The following TRIM46 variants were observed in gnomAD, a reference collection of about 807,000 sequenced individuals.
TRIM46 encodes tripartite motif-containing protein 46.
Under a neutral mutation model 69.7 loss-of-function variants are expected in TRIM46, and 17 were observed. That is an observed-to-expected ratio of 0.24 (90% CI 0.17 to 0.37). The LOEUF is 0.37. Ranked by LOEUF, TRIM46 falls within the 10% of genes least tolerant of loss-of-function variation. The pLI, the probability that TRIM46 is intolerant of heterozygous loss-of-function variation, is 1.00. For synonymous variants in TRIM46, 391 were observed against 429.0 expected (o/e 0.91, Z 1.09); for missense variants, 675 against 1,025.1 (o/e 0.66, Z 4.66).
intron 7 of TRIM46, chr1:155,178,880 C>A (rs1360362901): frequency 1.4e-6 from 2 of 1,397,666 alleles, no homozygotes; most frequent in Admixed American, 2.1e-5. Context: ...GGGCCCTGCC[C>A]GCCGCCGGGC....
At position 155,184,483 on chromosome 1, in the gene TRIM46, C is replaced by G; in HGVS notation, c.*293C>G. On this transcript the variant is annotated 3_prime_UTR_variant, in exon 10 of 10. Transcript: ENST00000334634. The surrounding 1 kb of genome is among the most constrained non-coding windows in gnomAD (Gnocchi z 5.6). ...ATGTTACCCAAGCCATGGAGAGAGC[C>G]CCTTCTCCATCCCTGTCCTGTGCCC... 2.6e-6 allele frequency: 1 copy of G among 386,318 alleles called. No individual in the cohort carries two copies. The highest frequency in any genetic ancestry group is 4.7e-6 in the Non-Finnish European group (1 of 212,436). 23.9% of individuals were successfully genotyped at this position (386,318 alleles called of 1,614,324 possible).
Position 155,181,026 on chromosome 1 carries a change from C to T in TRIM46, c.1589-826C>T, listed in dbSNP as rs1239638926. 6.6e-6 allele frequency among the ~76,000 whole-genome samples: 1 copy of T among 151,708 alleles called. No individual in the cohort carries two copies. Among genetic ancestry groups the T allele is most frequent in the Non-Finnish European group, 1.5e-5 (1 of 67,942 alleles). ...GAGGTGGATGGATCACGAGGTCAGG[C>T]GTTCAAGACCAGCCTGGCCAACATA... is the stretch of plus-strand genomic sequence containing the variant. On this transcript the variant is annotated intron_variant, in intron 8 of 9. Coordinates refer to ENST00000334634, the MANE Select transcript of TRIM46 (RefSeq NM_025058.5). This position sits in a 1 kb window ranked among gnomAD's most constrained non-coding sequence, Gnocchi z 4.3.
intron 1 of TRIM46, chr1:155,174,773 C>G (rs971423125): frequency 6.9e-7 from 1 of 1,457,432 alleles, no homozygotes; most frequent in Non-Finnish European, 9.0e-7. Context: ...AAGGGGGTGC[C>G]GCTGACCGGG....
At chr1:155,178,415 G>C (rs1044562201) in intron 6 of TRIM46, 77 bp from the exon 7 acceptor site, 1 of 1,602,952 alleles carries the variant, frequency 6.2e-7, no homozygotes, top group Non-Finnish European at 8.5e-7. Context: ...AAGGCTCTAG[G>C]GGCAAGCAAG....
rs1666167722 is a variant in TRIM46, at chr1:155,181,422, G to A, written c.1589-430G>A. ...TCCAGGGGGTGGGCATAAGAGGGAA[G>A]CCTTGCCACCCAAATAGGGGCTGGG... On this transcript the variant is annotated intron_variant, in intron 8 of 9. Transcript: ENST00000334634. This position sits in a 1 kb window ranked among gnomAD's most constrained non-coding sequence, Gnocchi z 4.3. Among the ~76,000 whole-genome samples the A allele has an allele frequency of 6.6e-6, 1 of 152,138 alleles. No individual in the cohort carries two copies. The highest frequency in any genetic ancestry group is 6.5e-5 in the Admixed American group (1 of 15,278).
At chr1:155,178,404 C>G in intron 6 of TRIM46, 88 bp from the exon 7 acceptor site, 1 of 1,594,922 alleles carries the variant, frequency 6.3e-7, no homozygotes, top group Non-Finnish European at 8.5e-7. Context: ...AAGCAGTTCC[C>G]AAGGCTCTAG....
rs111910059 is a variant in TRIM46 at position 155,180,601 on chromosome 1, A to AAAATAAAT, written c.1588+687_1588+694dup. The AAAATAAAT allele has an allele frequency of 4.0e-5, 8 of 199,112 alleles. 1 individual carries two copies. The highest frequency in any genetic ancestry group is 1.9e-4 in the African/African-American group (8 of 41,816). The allele number at this position is 199,112 out of a possible 1,614,324, so 12.3% of individuals were successfully genotyped here. A position where few individuals can be genotyped will look rare whatever the true frequency, so the allele number is the denominator to read the frequency against. ...CAGAGCAAGACTCCGACGTCTCGGAAAAATAAATAAATAAATAAATAAATA... is the reference window on the plus strand; with the variant it reads ...CAGAGCAAGACTCCGACGTCTCGGAAAAATAAATAAATAAATAAATAAATAAATAAATA... On this transcript the variant is annotated intron_variant, in intron 8 of 9. Transcript: ENST00000334634.
chr1:155,180,078 G>C, intron 8 of TRIM46, 144 bp downstream of exon 8: 1 of 1,012,658 alleles, frequency 9.9e-7, no homozygotes, highest in South Asian at 1.8e-5. Context: ...AGACTGCTTG[G>C]GTTCAAATCC....
chr1:155,178,697 G>A (rs902734305), intron 7 of TRIM46, 84 bp downstream of exon 7: 18 of 1,587,102 alleles, frequency 1.1e-5, no homozygotes, highest in Admixed American at 5.1e-5. Flanking sequence ...AGTGCCTACC[G>A]GGGACCTCCC....
chr1:155,178,296 T>G, intron 6 of TRIM46, 41 bp downstream of exon 6: 1 of 1,567,676 alleles, frequency 6.4e-7, no homozygotes, highest in African/African-American at 1.3e-5. Flanking sequence ...AGGGACATCA[T>G]GGATGTGACC....
Position 155,179,926 on chromosome 1 carries a change from C to A in TRIM46, c.1580C>A (p.Pro527Gln). Residue 527 changes from proline (P) to glutamine (Q), a missense_variant, in exon 8 of 10, where the codon CCG becomes CAG. By Grantham distance (76) the Pro-to-Gln change is moderately conservative (BLOSUM62 -1). Transcript: ENST00000334634. ...YSEDVHLHTP[P>Q]APVLHFFLDS... The stretch of plus-strand genomic sequence containing the variant: ...GAAGATGTGCACCTGCACACGCCCC[C>A]GGCACCTGGTGAGTGGGCAGGCACA... 1 of 1,573,494 alleles carries A rather than the reference C, an allele frequency of 6.4e-7. No homozygotes were observed.
intron 1 of TRIM46, chr1:155,174,378 G>A (rs753617605): frequency 2.6e-6 from 1 of 383,544 alleles, no homozygotes. Flanking sequence ...TATTTTCCAA[G>A]AAAACTGAGG....
chr1:155,184,197 C>T lies in TRIM46; in HGVS notation c.*7C>T, dbSNP rs752965320. On this transcript the variant is annotated 3_prime_UTR_variant, in exon 10 of 10. Coordinates refer to ENST00000334634, the MANE Select transcript of TRIM46 (RefSeq NM_025058.5). This position sits in a 1 kb window ranked among gnomAD's most constrained non-coding sequence, Gnocchi z 5.6. ...CTTCGCCAAGCTGGACTGAGCCTTC[C>T]AGGCCCCTCATGCAGACCTGGGGTC... The T allele has an allele frequency of 1.3e-6, 2 of 1,592,024 alleles. No homozygotes were observed. The highest frequency in any genetic ancestry group is 1.7e-6 in the Non-Finnish European group (2 of 1,168,500).
chr1:155,179,750 C>T lies in TRIM46; in HGVS notation c.1404C>T (p.Arg468=). The T allele has an allele frequency of 6.2e-7, 1 of 1,613,406 alleles. No homozygotes were observed. Among genetic ancestry groups the T allele is most frequent in the Middle Eastern group, 1.6e-4 (1 of 6,062 alleles). ...PAWHYTVEFR[R]TDVPAQPGPT... is the part of the protein sequence containing the mutation. ...GGCACTATACCGTTGAGTTCCGGCGCACGGATGTGCCTGCTCAGCCAGGCC... is the reference window on the plus strand; with the variant it reads ...GGCACTATACCGTTGAGTTCCGGCGTACGGATGTGCCTGCTCAGCCAGGCC... Residue 468 remains arginine, a synonymous_variant, in exon 8 of 10, where the codon CGC becomes CGT. Coordinates refer to ENST00000334634, the MANE Select transcript of TRIM46 (RefSeq NM_025058.5).
At position 155,175,482 on chromosome 1, in the gene TRIM46, C is replaced by G; in HGVS notation, c.160C>G (p.Gln54Glu). Residue 54 changes from glutamine to glutamate, a missense_variant, in exon 2 of 10, where the codon CAG becomes GAG. Physicochemically the swap from Gln to Glu is conservative, Grantham distance 29. Around this residue, in one of 5 missense-constraint regions of TRIM46, gnomAD observed 170 missense variants for 255.6 expected, o/e 0.67. Transcript: ENST00000334634. This position sits in a 1 kb window ranked among gnomAD's most constrained non-coding sequence, Gnocchi z 4.2. ...LVLPCTHNVCQACAREVLGQQ... is the reference protein window; with the variant it reads ...LVLPCTHNVCEACAREVLGQQ... ...GCTGCCCTGTACCCACAACGTGTGC[C>G]AGGCCTGTGCCCGAGAGGTCTTGGG... 6.2e-7 allele frequency: 1 copy of G among 1,614,178 alleles called. No homozygotes were observed. The highest frequency in any genetic ancestry group is 8.5e-7 in the Non-Finnish European group (1 of 1,179,998).
intron 8 of TRIM46, chr1:155,180,467 T>C (rs1666075880): frequency 2.3e-6 from 1 of 431,912 alleles, no homozygotes; most frequent in Non-Finnish European, 4.2e-6. Context: ...TGGTGGTGCG[T>C]GCCTACAATT....
In TRIM46 at chr1:155,184,221, T is replaced by A; in HGVS notation, c.*31T>A. 4 of 1,551,426 alleles carry A rather than the reference T, an allele frequency of 2.6e-6. No individual in the cohort carries two copies. The highest frequency in any genetic ancestry group is 3.5e-6 in the Non-Finnish European group (4 of 1,150,516). ...CCAGGCCCCTCATGCAGACCTGGGG[T>A]CCTCCTGGGCCCTGGCCCCCAAACC... is the stretch of plus-strand genomic sequence containing the variant. On this transcript the variant is annotated 3_prime_UTR_variant, in exon 10 of 10. Transcript: ENST00000334634. The surrounding 1 kb of genome is among the most constrained non-coding windows in gnomAD (Gnocchi z 5.6).
In TRIM46 at chr1:155,181,061, C is replaced by T. The variant is rs111508230; in HGVS notation, c.1589-791C>T. On this transcript the variant is annotated intron_variant, in intron 8 of 9. Transcript: ENST00000334634. The surrounding 1 kb of genome is among the most constrained non-coding windows in gnomAD (Gnocchi z 4.3). ...CAGCCTGGCCAACATAGTGAAACCCCGTCTCTACTAAAAATGAAAATGAAA... is the reference window on the plus strand; with the variant it reads ...CAGCCTGGCCAACATAGTGAAACCCTGTCTCTACTAAAAATGAAAATGAAA... Among the ~76,000 whole-genome samples the T allele has an allele frequency of 0.14, 20,592 of 151,622 alleles. 1,740 individuals are homozygous for T. The highest frequency in any genetic ancestry group is 0.24 in the African/African-American group (9,996 of 41,272).
intron 9 of TRIM46, 55 bp from the exon 10 acceptor site, chr1:155,183,742 C>T: frequency 6.3e-7 from 1 of 1,585,596 alleles, no homozygotes. Context: ...CCCTCTGGTA[C>T]CTCATCCGTC....
Sources: gnomAD v4.1 joint callset for allele counts (sites outside exome capture counted in the v4.1 genomes callset) on GRCh38, gnomAD v4.1.1 for gene constraint, gnomAD v4.1.1 regional missense constraint, Gnocchi (gnomAD v3.1) non-coding constraint, MANE v1.5 for transcripts, NCBI Gene and HGNC (gene_info 2026-07-23, HGNC 2026-07-21) for gene names.